TIMD4: variants seen among roughly 807,000 people sequenced by gnomAD.
TIMD4 encodes T-cell immunoglobulin and mucin domain-containing protein 4.
TIMD4 carries 31 observed loss-of-function variants against 41.2 expected under a neutral mutation model. The observed-to-expected ratio is 0.75, with a 90% CI of 0.57 to 1.01. TIMD4 has a LOEUF of 1.01. TIMD4 is among the 50% of genes least tolerant of loss of function. TIMD4 has a pLI of 0.00. For synonymous variants in TIMD4, 204 were observed against 177.1 expected (o/e 1.15, Z -1.21); for missense variants, 479 against 472.5 (o/e 1.01, Z -0.13).
intron 1 of TIMD4, among the ~76,000 whole-genome samples, chr5:156,958,458 AATTTTACCCATTAGACTGGGAAAAGCTT>A (rs1760021755): frequency 6.6e-6 from 1 of 152,202 alleles, no homozygotes; most frequent in African/African-American, 2.4e-5. Flanking sequence ...GCAGCCAATA[AATTTTACCCATTAGACTGGGAAAAGCTT>A]AGAACACTGA....
chr5:156,953,372 T>C (rs540536717), intron 2 of TIMD4, among the ~76,000 whole-genome samples: 1 of 151,998 alleles, frequency 6.6e-6, no homozygotes. Context: ...CTTGAGAATA[T>C]AGGCCGGGTG....
intron 6 of TIMD4, among the ~76,000 whole-genome samples, chr5:156,923,445 G>A (rs1306757514): frequency 4.2e-5 from 6 of 142,402 alleles, no homozygotes; most frequent in East Asian, 3.9e-4. Flanking sequence ...CACTGCACCC[G>A]GCCTAAAAAA....
chr5:156,952,506 T>C (rs189644793), intron 2 of TIMD4, among the ~76,000 whole-genome samples: 2 of 152,234 alleles, frequency 1.3e-5, no homozygotes, highest in East Asian at 1.9e-4. Flanking sequence ...ATTTAGCTCT[T>C]TGAATATATC....
chr5:156,921,563 A>G (rs1304434291), intron 7 of TIMD4, among the ~76,000 whole-genome samples: 1 of 144,916 alleles, frequency 6.9e-6, no homozygotes, highest in Non-Finnish European at 1.5e-5. Flanking sequence ...GAGGTGCAGT[A>G]AGCTGAGATC....
intron 5 of TIMD4, among the ~76,000 whole-genome samples, chr5:156,939,886 C>T (rs1027508857): frequency 6.6e-6 from 1 of 152,228 alleles, no homozygotes; most frequent in Non-Finnish European, 1.5e-5. Flanking sequence ...CTTCCACACC[C>T]TTGCCACAGC....
intron 5 of TIMD4, among the ~76,000 whole-genome samples, chr5:156,939,021 T>A (rs530314595): frequency 2.6e-5 from 4 of 152,080 alleles, no homozygotes; most frequent in Admixed American, 1.3e-4. Flanking sequence ...CACCACAAGC[T>A]CCCCCAGTGT....
intron 5 of TIMD4, among the ~76,000 whole-genome samples, chr5:156,940,158 C>A (rs560648041): frequency 1.3e-5 from 2 of 152,246 alleles, no homozygotes; most frequent in Non-Finnish European, 2.9e-5. Flanking sequence ...GGGTTTCGCC[C>A]TGTTGGCCGG....
At chr5:156,925,406 C>G (rs1276985655) in intron 6 of TIMD4, among the ~76,000 whole-genome samples, 5 of 152,224 alleles carry the variant, frequency 3.3e-5, no homozygotes, top group Non-Finnish European at 7.3e-5. Context: ...TCCCTCTCTT[C>G]CTGTTCCATT....
chr5:156,942,649 T>A (rs1411293615), intron 5 of TIMD4, among the ~76,000 whole-genome samples: 2 of 152,234 alleles, frequency 1.3e-5, no homozygotes, highest in Non-Finnish European at 2.9e-5. Context: ...TTGGTTGATA[T>A]CTGCAGACCA....
intron 5 of TIMD4, among the ~76,000 whole-genome samples, chr5:156,933,702 G>T (rs1328699968): frequency 1.3e-5 from 2 of 151,852 alleles, no homozygotes; most frequent in African/African-American, 4.8e-5. Context: ...TGAGTGGCTG[G>T]GATTACAGGC....
At chr5:156,951,459 C>A in intron 3 of TIMD4, 53 bp downstream of exon 3, 1 of 1,594,954 alleles carries the variant, frequency 6.3e-7, no homozygotes, top group Non-Finnish European at 8.6e-7. Context: ...CACTGGGCTG[C>A]CTCATTCAGT....
At chr5:156,929,986 T>C (rs1759417369) in intron 5 of TIMD4, among the ~76,000 whole-genome samples, 1 of 152,214 alleles carries the variant, frequency 6.6e-6, no homozygotes, top group Admixed American at 6.5e-5. Context: ...TTTATTTATT[T>C]TGGAGACAGA....
At chr5:156,924,212 C>A in intron 6 of TIMD4, 1 of 435,852 alleles carries the variant, frequency 2.3e-6, no homozygotes. Context: ...CTTCCCTCCC[C>A]AAAATCCCAT....
At chr5:156,945,912 C>G (rs1160743891) in intron 5 of TIMD4, among the ~76,000 whole-genome samples, 1 of 152,164 alleles carries the variant, frequency 6.6e-6, no homozygotes, top group East Asian at 1.9e-4. Context: ...GATGGCTTGA[C>G]ACAGACCTAG....
At chr5:156,950,155 A>AGAGT (rs1039071171) in intron 3 of TIMD4, among the ~76,000 whole-genome samples, 1 of 152,074 alleles carries the variant, frequency 6.6e-6, no homozygotes, top group African/African-American at 2.4e-5. Flanking sequence ...TTTAAAAGAC[A>AGAGT]GAGTCTCACT....
chr5:156,922,154 G>T lies in TIMD4; in HGVS notation c.957C>A (p.Ile319=). The change falls in exon 7 of 9, where the codon ATC becomes ATA. Residue 319 remains isoleucine (I), a synonymous_variant. Transcript: ENST00000274532. ...EMPISQLLMI[I]APSLGFVLFA... is the part of the protein sequence containing the mutation. ...AGAGCACAAATCCCAAGGAGGGGGC[G>T]ATGATCATCAGTAGTTGGGAGATGG... 6.2e-7 allele frequency: 1 copy of T among 1,614,022 alleles called. No individual in the cohort carries two copies. Among genetic ancestry groups the T allele is most frequent in the Non-Finnish European group, 8.5e-7 (1 of 1,179,966 alleles).
intron 5 of TIMD4, among the ~76,000 whole-genome samples, chr5:156,943,025 G>C (rs1000196971): frequency 6.6e-6 from 1 of 152,030 alleles, no homozygotes; most frequent in Non-Finnish European, 1.5e-5. Context: ...AACTTCTCTG[G>C]GTTTGTGATT....
At chr5:156,940,704 C>T (rs927843296) in intron 5 of TIMD4, among the ~76,000 whole-genome samples, 2 of 151,692 alleles carry the variant, frequency 1.3e-5, no homozygotes, top group African/African-American at 4.8e-5. Context: ...AAGTGAGGAG[C>T]CCCTCCGCCC....
intron 5 of TIMD4, among the ~76,000 whole-genome samples, chr5:156,936,933 A>G (rs367992436): frequency 4.6e-5 from 5 of 108,980 alleles, no homozygotes; most frequent in African/African-American, 1.4e-4. Flanking sequence ...CTCCGTCTGG[A>G]AAAAAAAAAA....
Sources: allele counts gnomAD v4.1 joint callset (sites outside exome capture counted in the v4.1 genomes callset), GRCh38; gene constraint gnomAD v4.1.1; transcripts MANE v1.5; gene names NCBI Gene and HGNC (gene_info 2026-07-23, HGNC 2026-07-21).